The following TIMP2 variants were observed in gnomAD, a reference collection of about 807,000 sequenced individuals.
TIMP2 encodes the protein TIMP metallopeptidase inhibitor 2.
A neutral mutation model predicts 24.3 loss-of-function variants in TIMP2; 5 were observed. That is an observed-to-expected ratio of 0.21 (90% CI 0.11 to 0.43). TIMP2 has a LOEUF of 0.43. TIMP2 is among the 20% of genes least tolerant of loss of function. The pLI is 1.00. For synonymous variants in TIMP2, 130 were observed against 123.2 expected (o/e 1.06, Z -0.37); for missense variants, 221 against 297.5 (o/e 0.74, Z 1.89).
chr17:78,859,775 C>T (rs1331732827), intron 3 of TIMP2, among the ~76,000 whole-genome samples: 1 of 151,788 alleles, frequency 6.6e-6, no homozygotes, highest in Non-Finnish European at 1.5e-5. Flanking sequence ...GGACATCACT[C>T]GAGGTCAGGC....
intron 1 of TIMP2, chr17:78,922,524 A>G (rs1314646705): frequency 6.6e-6 from 1 of 152,272 alleles, no homozygotes; most frequent in Non-Finnish European, 1.5e-5. Flanking sequence ...CCTTAGAAGA[A>G]CAGGGCAATT....
rs2070332633 is a variant in TIMP2 at position 78,924,351 on chromosome 17, C to T, written c.130+608G>A. On this transcript the variant is annotated intron_variant, in intron 1 of 4. Coordinates refer to ENST00000262768, the MANE Select transcript of TIMP2 (RefSeq NM_003255.5). This position sits in a 1 kb window ranked among gnomAD's most constrained non-coding sequence, Gnocchi z 5.3. ...CAGCCAGTTTGCAGGGCCTCCTGGGCAGGGCGCAAGCAAGGAGCCACGCCA... is the reference window on the plus strand; with the variant it reads ...CAGCCAGTTTGCAGGGCCTCCTGGGTAGGGCGCAAGCAAGGAGCCACGCCA... Among the ~76,000 whole-genome samples the T allele has an allele frequency of 6.6e-6, 1 of 152,212 alleles. No homozygotes were observed. Among genetic ancestry groups the T allele is most frequent in the African/African-American group, 2.4e-5 (1 of 41,458 alleles).
rs953067288 is a variant in TIMP2, at chr17:78,861,605, CT to C, written c.341-3960del. The stretch of plus-strand genomic sequence containing the variant: ...AGATGAAGTGAAAATTGTATTTTTT[CT>C]TTTTTTTTTTTTTGGAGACGGAGTC... On this transcript the variant is annotated intron_variant, in intron 3 of 4. Coordinates refer to ENST00000262768, the MANE Select transcript of TIMP2 (RefSeq NM_003255.5). 2.2e-3 allele frequency among the ~76,000 whole-genome samples: 306 copies of C among 141,922 alleles called. 2 individuals are homozygous for C. The highest frequency in any genetic ancestry group is 2.6e-3 in the Admixed American group (37 of 14,138). The allele number at this position is 141,922 out of a possible 152,430, so 93.1% of individuals were successfully genotyped here. A position where few individuals can be genotyped will look rare whatever the true frequency, so the allele number is the denominator to read the frequency against.
At chr17:78,860,431 C>A (rs755824334) in intron 3 of TIMP2, among the ~76,000 whole-genome samples, 1 of 152,142 alleles carries the variant, frequency 6.6e-6, no homozygotes, top group Admixed American at 6.5e-5. Context: ...CACAGCCCAG[C>A]GAAGGACTAA....
chr17:78,913,255 G>A (rs1442403181), intron 1 of TIMP2, among the ~76,000 whole-genome samples: 1 of 152,156 alleles, frequency 6.6e-6, no homozygotes, highest in Non-Finnish European at 1.5e-5. Context: ...TTTGACCTGA[G>A]TCTATCTGGG....
At chr17:78,892,723 A>G (rs1210270375) in intron 1 of TIMP2, among the ~76,000 whole-genome samples, 1 of 152,146 alleles carries the variant, frequency 6.6e-6, no homozygotes, top group African/African-American at 2.4e-5. Context: ...GTCTGGAAAC[A>G]TTTTCTATTG....
chr17:78,869,091 C>T (rs1398063168), intron 3 of TIMP2, among the ~76,000 whole-genome samples: 1 of 152,006 alleles, frequency 6.6e-6, no homozygotes, highest in Non-Finnish European at 1.5e-5. Flanking sequence ...CAGAGGAGGC[C>T]GTAGAAGGAA....
chr17:78,910,592 C>T (rs1441710241), intron 1 of TIMP2, among the ~76,000 whole-genome samples: 2 of 152,176 alleles, frequency 1.3e-5, no homozygotes, highest in African/African-American at 4.8e-5. Flanking sequence ...TCCCTCTCTC[C>T]TCCCCCAACC....
At chr17:78,910,515 A>C (rs967625599) in intron 1 of TIMP2, among the ~76,000 whole-genome samples, 4 of 152,194 alleles carry the variant, frequency 2.6e-5, no homozygotes, top group African/African-American at 9.7e-5. Flanking sequence ...TTAATCCAAC[A>C]GTGACATGGA....
chr17:78,887,636 C>T (rs771457491), intron 1 of TIMP2, among the ~76,000 whole-genome samples: 7 of 151,754 alleles, frequency 4.6e-5, no homozygotes, highest in Non-Finnish European at 8.8e-5. Context: ...CCACCTGCCT[C>T]GGCCTCTCAC....
intron 1 of TIMP2, among the ~76,000 whole-genome samples, chr17:78,888,569 C>T (rs1406308554): frequency 6.6e-6 from 1 of 152,194 alleles, no homozygotes; most frequent in Non-Finnish European, 1.5e-5. Flanking sequence ...CCTCTTGCCT[C>T]AGCCTCACGA....
In TIMP2 at chr17:78,896,551, C is replaced by T. The variant is rs1395492364; in HGVS notation, c.131-22632G>A. Among the ~76,000 whole-genome samples, 1 of 152,152 alleles carries T rather than the reference C, an allele frequency of 6.6e-6. No individual in the cohort carries two copies. Among genetic ancestry groups the T allele is most frequent in the Admixed American group, 6.5e-5 (1 of 15,278 alleles). On this transcript the variant is annotated intron_variant, in intron 1 of 4. Coordinates refer to ENST00000262768, the MANE Select transcript of TIMP2 (RefSeq NM_003255.5). This position sits in a 1 kb window ranked among gnomAD's most constrained non-coding sequence, Gnocchi z 4.4. ...GGCAGGGGTCCTGGCGCTCCTCTGTCCTCCACATCCTCTGAGTGTTCTGAG... is the reference window on the plus strand; with the variant it reads ...GGCAGGGGTCCTGGCGCTCCTCTGTTCTCCACATCCTCTGAGTGTTCTGAG...
At chr17:78,857,741 T>G in intron 3 of TIMP2, 95 bp from the exon 4 acceptor site, 6 of 1,533,744 alleles carry the variant, frequency 3.9e-6, no homozygotes, top group Non-Finnish European at 5.3e-6. Flanking sequence ...GGGATTTCGT[T>G]GCAACAATCC....
At chr17:78,867,564 C>T (rs1048697509) in intron 3 of TIMP2, among the ~76,000 whole-genome samples, 21 of 151,864 alleles carry the variant, frequency 1.4e-4, no homozygotes, top group African/African-American at 4.8e-4. Flanking sequence ...ACCCTTGGAC[C>T]TGTGAGAGTC....
chr17:78,879,675 G>C (rs183220457), intron 1 of TIMP2, among the ~76,000 whole-genome samples: 1 of 152,284 alleles, frequency 6.6e-6, no homozygotes, highest in East Asian at 1.9e-4. Flanking sequence ...GGGCGTCTCA[G>C]ATTTCGTTTT....
intron 1 of TIMP2, among the ~76,000 whole-genome samples, chr17:78,922,021 C>T (rs1192953282): frequency 6.6e-6 from 1 of 152,202 alleles, no homozygotes; most frequent in African/African-American, 2.4e-5. Context: ...CACTGTACCC[C>T]CTTTCTGAGA....
At chr17:78,888,450 G>A (rs1017464127) in intron 1 of TIMP2, among the ~76,000 whole-genome samples, 4 of 150,882 alleles carry the variant, frequency 2.7e-5, no homozygotes, top group East Asian at 2.0e-4. Flanking sequence ...GTGAGCCACC[G>A]CGTCCAGTAT....
At chr17:78,880,335 C>T (rs914535998) in intron 1 of TIMP2, among the ~76,000 whole-genome samples, 9 of 152,156 alleles carry the variant, frequency 5.9e-5, no homozygotes, top group African/African-American at 9.6e-5. Context: ...GAAGTTCCTG[C>T]GGAAAATAAG....
chr17:78,923,912 T>A (rs369140011), intron 1 of TIMP2, among the ~76,000 whole-genome samples: 8 of 152,250 alleles, frequency 5.3e-5, no homozygotes, highest in African/African-American at 1.9e-4. Flanking sequence ...GCCCCCGCCT[T>A]GCTCCATCTG....
Sources: allele counts gnomAD v4.1 joint callset (sites outside exome capture counted in the v4.1 genomes callset), GRCh38; gene constraint gnomAD v4.1.1; non-coding constraint Gnocchi (gnomAD v3.1); transcripts MANE v1.5; gene names NCBI Gene and HGNC (gene_info 2026-07-23, HGNC 2026-07-21).